The following AQR variants were observed in gnomAD, a reference collection of about 807,000 sequenced individuals.
AQR encodes RNA helicase aquarius.
A neutral mutation model predicts 180.5 loss-of-function variants in AQR; 61 were observed. The ratio of observed to expected loss-of-function variants is 0.34; its 90% CI spans 0.28 to 0.42. The LOEUF is 0.42. Among genes scored for constraint, AQR ranks in the 10% least tolerant of loss-of-function variants. The pLI is 1.00. For synonymous variants in AQR, 551 were observed against 588.8 expected, an observed-to-expected ratio of 0.94 and a Z score of 0.93; for missense variants, 1,281 against 1,798.3, an observed-to-expected ratio of 0.71 and a Z score of 5.20.
intron 1 of AQR, among the ~76,000 whole-genome samples, chr15:34,968,761 A>C (rs1217208663): frequency 1.3e-5 from 2 of 152,208 alleles, no homozygotes; most frequent in African/African-American, 4.8e-5. Flanking sequence ...GATTCAAAAG[A>C]TATTTAGAAT....
At chr15:34,858,973 A>T (rs1380765062) in intron 34 of AQR, among the ~76,000 whole-genome samples, 1 of 152,216 alleles carries the variant, frequency 6.6e-6, no homozygotes, top group Non-Finnish European at 1.5e-5. Context: ...AAACTCTGCA[A>T]CTTCTAGAAA....
chr15:34,966,869 C>CTTTTT (rs148912380), intron 1 of AQR, among the ~76,000 whole-genome samples: 8 of 67,066 alleles, frequency 1.2e-4, no homozygotes, highest in African/African-American at 2.4e-4. Flanking sequence ...CCACCCTGGC[C>CTTTTT]TTTTTTTTTT....
At chr15:34,934,229 TATTA>T (rs948430826) in intron 10 of AQR, among the ~76,000 whole-genome samples, 27 of 150,606 alleles carry the variant, frequency 1.8e-4, no homozygotes, top group African/African-American at 5.1e-4. Context: ...TATTGTATTG[TATTA>T]ATTTTTTATT....
chr15:34,943,710 C>T (rs1309977775), intron 6 of AQR, among the ~76,000 whole-genome samples: 1 of 152,054 alleles, frequency 6.6e-6, no homozygotes, highest in Non-Finnish European at 1.5e-5. Context: ...TATCAGCTAA[C>T]CACACAGGAA....
intron 1 of AQR, among the ~76,000 whole-genome samples, chr15:34,965,359 C>T (rs1234093781): frequency 1.3e-5 from 2 of 152,132 alleles, no homozygotes; most frequent in Admixed American, 6.5e-5. Flanking sequence ...AAAAATATTA[C>T]AGTAACTTCC....
intron 27 of AQR, among the ~76,000 whole-genome samples, chr15:34,880,133 G>A (rs541233790): frequency 3.3e-4 from 50 of 152,188 alleles, no homozygotes; most frequent in African/African-American, 1.2e-3. Context: ...CAGAGAAAAC[G>A]GAACAATTCT....
At chr15:34,882,465 T>TAAA (rs34949352) in intron 27 of AQR, 37 bp downstream of exon 27, 22,616 of 1,165,350 alleles carry the variant, frequency 0.019, 58 homozygotes, top group South Asian at 0.027. Flanking sequence ...CTGATAATCT[T>TAAA]AAAAAAAAAA....
At chr15:34,934,148 GA>G (rs954237418) in intron 10 of AQR, among the ~76,000 whole-genome samples, 2 of 149,508 alleles carry the variant, frequency 1.3e-5, no homozygotes, top group African/African-American at 4.9e-5. Flanking sequence ...AAGAAAAGAA[GA>G]AAAGGAAAGA....
intron 18 of AQR, among the ~76,000 whole-genome samples, chr15:34,904,898 G>A (rs1893387520): frequency 6.6e-6 from 1 of 151,892 alleles, no homozygotes; most frequent in African/African-American, 2.4e-5. Flanking sequence ...TTAAATATAT[G>A]TATTTTAGAA....
intron 13 of AQR, among the ~76,000 whole-genome samples, chr15:34,921,780 C>A: frequency 6.6e-6 from 1 of 152,062 alleles, no homozygotes; most frequent in Non-Finnish European, 1.5e-5. Context: ...TCCAGGAGGT[C>A]AAATAAATGG....
In AQR at chr15:34,856,464, C is replaced by T; in HGVS notation, c.*328G>A. ...GGTTAAGTCCAGTATATTCTGTCCTCTTCTTTAGAGAAGTTCACTAAAAAT... is the reference window on the plus strand; with the variant it reads ...GGTTAAGTCCAGTATATTCTGTCCTTTTCTTTAGAGAAGTTCACTAAAAAT... On this transcript the variant is annotated 3_prime_UTR_variant, in exon 35 of 35. Transcript: ENST00000156471. 1 of 401,834 alleles carries T rather than the reference C, an allele frequency of 2.5e-6. No homozygotes were observed. Among genetic ancestry groups the T allele is most frequent in the Non-Finnish European group, 4.4e-6 (1 of 227,954 alleles). 24.9% of individuals were successfully genotyped at this position (401,834 alleles called of 1,614,324 possible).
At chr15:34,903,814 CT>C (rs1893370808) in intron 19 of AQR, among the ~76,000 whole-genome samples, 1 of 152,094 alleles carries the variant, frequency 6.6e-6, no homozygotes, top group Non-Finnish European at 1.5e-5. Flanking sequence ...TACTAAAACT[CT>C]TCTCCCCACA....
At chr15:34,858,557 G>C (rs1185147623) in intron 34 of AQR, among the ~76,000 whole-genome samples, 2 of 152,120 alleles carry the variant, frequency 1.3e-5, no homozygotes, top group Admixed American at 1.3e-4. Flanking sequence ...AAAAACTGCA[G>C]CATGCTTTTG....
At position 34,947,563 on chromosome 15, in the gene AQR, C is replaced by CA. The variant is rs11324647; in HGVS notation, c.330+700dup. Among the ~76,000 whole-genome samples the CA allele has an allele frequency of 2.5e-3, 369 of 146,984 alleles. 2 individuals are homozygous for CA. The highest frequency in any genetic ancestry group is 6.3e-3 in the African/African-American group (252 of 40,204). ...AAAATAAATAAAAATAAAAATAAGA[C>CA]AAAAAAAATAAAAATAAACTCCCTC... is the stretch of plus-strand genomic sequence containing the variant. On this transcript the variant is annotated intron_variant, in intron 5 of 34. Transcript: ENST00000156471.
chr15:34,854,242 G>A lies in AQR; in HGVS notation c.*2550C>T, dbSNP rs1299870020. 1 of 151,288 alleles carries A rather than the reference G, an allele frequency of 6.6e-6. No homozygotes were observed. Among genetic ancestry groups the A allele is most frequent in the Non-Finnish European group, 1.5e-5 (1 of 67,866 alleles). 9.4% of individuals were successfully genotyped at this position (151,288 alleles called of 1,614,324 possible). A position where few individuals can be genotyped will look rare whatever the true frequency, so the allele number is the denominator to read the frequency against. On this transcript the variant is annotated 3_prime_UTR_variant, in exon 35 of 35. Coordinates refer to ENST00000156471, the MANE Select transcript of AQR (RefSeq NM_014691.3). ...ATTCTTTTGGGCATGGCTCTTTTTG[G>A]TTTTCTTTACAAAGAGATTCTAAAA... is the stretch of plus-strand genomic sequence containing the variant.
chr15:34,924,872 T>C (rs1281529558), intron 13 of AQR, among the ~76,000 whole-genome samples: 2 of 146,870 alleles, frequency 1.4e-5, no homozygotes, highest in African/African-American at 2.5e-5. Flanking sequence ...AGGATGTCTA[T>C]GGACAAAAAT....
rs3841584 is a variant in AQR, at chr15:34,938,733, A to ATAGT, written c.718+3_718+4insACTA. ...ACAAATGCACTGAGTAAAAAAGAAG[A>ATAGT]TACCAGAAAGTGGGACTGATTTCAG... is the stretch of plus-strand genomic sequence containing the variant. On this transcript the variant is annotated splice_donor_region_variant and intron_variant, in intron 9 of 34. Transcript: ENST00000156471. 1,246,771 of 1,535,736 alleles carry ATAGT rather than the reference A, an allele frequency of 0.81. 510,265 individuals carry two copies. Among genetic ancestry groups the ATAGT allele is most frequent in the Middle Eastern group, 0.85 (5,005 of 5,910 alleles).
intron 33 of AQR, among the ~76,000 whole-genome samples, chr15:34,860,858 A>G (rs1168154110): frequency 6.6e-6 from 1 of 152,200 alleles, no homozygotes; most frequent in East Asian, 1.9e-4. Flanking sequence ...CTCCAGCCCT[A>G]TAGATTCAGA....
Position 34,969,735 on chromosome 15 carries a change from G to T in AQR, c.-122C>A, listed in dbSNP as rs577812298. On this transcript the variant is annotated 5_prime_UTR_variant, in exon 1 of 35. Transcript: ENST00000156471. ...AACTCCGCGCCGCACAAACGCTCCG[G>T]GCCGGATATCCTCAGCCTTCAGAGT... The T allele has an allele frequency of 4.1e-6, 4 of 972,184 alleles. No individual in the cohort carries two copies. The African/African-American group carries it at 6.6e-5, about 16-fold the overall frequency. 60.2% of individuals were successfully genotyped at this position (972,184 alleles called of 1,614,324 possible).
Sources: gnomAD v4.1 joint callset for allele counts (sites outside exome capture counted in the v4.1 genomes callset) on GRCh38, gnomAD v4.1.1 for gene constraint, MANE v1.5 for transcripts, NCBI Gene and HGNC (gene_info 2026-07-23, HGNC 2026-07-21) for gene names.